KCNG1: variants seen among roughly 807,000 people sequenced by gnomAD.
KCNG1 encodes the protein voltage-gated potassium channel regulatory subunit KCNG1.
Under a neutral mutation model 32.4 loss-of-function variants are expected in KCNG1, and 17 were observed. That is an observed-to-expected ratio of 0.52 (90% CI 0.36 to 0.79). The LOEUF is 0.79. KCNG1 is among the 30% of genes least tolerant of loss of function. The pLI, the probability that KCNG1 is intolerant of heterozygous loss-of-function variation, is 0.00. For missense variants in KCNG1, 441 were observed against 735.2 expected (o/e 0.60, Z 4.63); for synonymous variants, 358 against 339.9 (o/e 1.05, Z -0.59).
chr20:51,011,199 T>C (rs1430179738), intron 1 of KCNG1, among the ~76,000 whole-genome samples: 1 of 152,196 alleles, frequency 6.6e-6, no homozygotes, highest in Non-Finnish European at 1.5e-5. Context: ...TTCACAATTC[T>C]CCCATATCCA....
At chr20:51,010,711 A>G (rs535559655) in intron 1 of KCNG1, among the ~76,000 whole-genome samples, 25 of 152,300 alleles carry the variant, frequency 1.6e-4, no homozygotes, top group Admixed American at 1.6e-3. Context: ...CCTGGCCAAC[A>G]TGGTGAAACC....
chr20:51,005,065 T>A lies in KCNG1; in HGVS notation c.775-259A>T. ...CCAGACCCCCAACAGGCTGCCTCCC[T>A]GACGCTCCCACCTGGGTGTCTGAGG... On this transcript the variant is annotated intron_variant, in intron 2 of 2. Coordinates refer to ENST00000371571, the MANE Select transcript of KCNG1 (RefSeq NM_002237.4). This position sits in a 1 kb window ranked among gnomAD's most constrained non-coding sequence, Gnocchi z 4.0. 2.6e-6 allele frequency: 1 copy of A among 381,910 alleles called. No individual in the cohort carries two copies. 23.7% of individuals were successfully genotyped at this position (381,910 alleles called of 1,614,324 possible).
chr20:51,009,390 TGC>T (rs1987965785), intron 2 of KCNG1, 173 bp downstream of exon 2: 2 of 781,716 alleles, frequency 2.6e-6, no homozygotes, highest in African/African-American at 3.5e-5. Flanking sequence ...ACCCCCATGA[TGC>T]TCACATATTA....
intron 1 of KCNG1, among the ~76,000 whole-genome samples, chr20:51,019,983 C>T (rs977991967): frequency 3.3e-5 from 5 of 152,216 alleles, no homozygotes; most frequent in Admixed American, 6.5e-5. Flanking sequence ...GTTCTCGCCA[C>T]AGTCCCACCA....
At position 51,009,688 on chromosome 20, in the gene KCNG1, C is replaced by T; in HGVS notation, c.651G>A (p.Val217=). 1 of 1,605,208 alleles carries T rather than the reference C, an allele frequency of 6.2e-7. No homozygotes were observed. The highest frequency in any genetic ancestry group is 2.2e-5 in the East Asian group (1 of 44,814). ...GRCMRRLRDM[V]ERPHSGLPGK... ...CAGGCAGCCCCGAGTGCGGCCTCTC[C>T]ACCATGTCGCGCAGTCGCCGCATGC... is the stretch of plus-strand genomic sequence containing the variant. The change falls in exon 2 of 3, where the codon GTG becomes GTA. Residue 217 remains valine (V), a synonymous_variant. Coordinates refer to ENST00000371571, the MANE Select transcript of KCNG1 (RefSeq NM_002237.4).
chr20:51,018,544 C>T (rs6096227), intron 1 of KCNG1, among the ~76,000 whole-genome samples: 6,482 of 152,232 alleles, frequency 0.043, 379 homozygotes, highest in African/African-American at 0.13. Context: ...GTCCCTCTTC[C>T]GAGTGGCAGC....
intron 1 of KCNG1, among the ~76,000 whole-genome samples, chr20:51,011,961 A>G (rs1988111256): frequency 6.6e-6 from 1 of 152,074 alleles, no homozygotes; most frequent in South Asian, 2.1e-4. Context: ...CACCTGGTTA[A>G]TTTTTGTATT....
chr20:51,021,572 C>A (rs1172254170), intron 1 of KCNG1, among the ~76,000 whole-genome samples: 1 of 152,138 alleles, frequency 6.6e-6, no homozygotes, highest in African/African-American at 2.4e-5. Context: ...GCAGGAACTT[C>A]CCCCACCCCA....
At chr20:51,022,049 T>A (rs968200867) in intron 1 of KCNG1, among the ~76,000 whole-genome samples, 5 of 152,096 alleles carry the variant, frequency 3.3e-5, no homozygotes, top group Admixed American at 3.3e-4. Flanking sequence ...GGGGCCTGGG[T>A]CTTAATCCTT....
At position 51,004,447 on chromosome 20, in the gene KCNG1, C is replaced by T. The variant is rs989760047; in HGVS notation, c.1134G>A (p.Gly378=). 1.2e-6 allele frequency: 2 copies of T among 1,607,528 alleles called. No individual in the cohort carries two copies. ...CCACGCAGAGGAAGAGCAGCAGGAG[C>T]CCGAACTCGCGGGTGCAGCGGCGGG... is the stretch of plus-strand genomic sequence containing the variant. ...LTARRCTREF[G]LLLLFLCVAI... The change falls in exon 3 of 3, where the codon GGG becomes GGA. Residue 378 remains glycine (G), a synonymous_variant. Coordinates refer to ENST00000371571, the MANE Select transcript of KCNG1 (RefSeq NM_002237.4). The surrounding 1 kb of genome is among the most constrained non-coding windows in gnomAD (Gnocchi z 4.3).
At chr20:51,016,584 C>T (rs1215321718) in intron 1 of KCNG1, among the ~76,000 whole-genome samples, 1 of 152,188 alleles carries the variant, frequency 6.6e-6, no homozygotes, top group Middle Eastern at 3.2e-3. Flanking sequence ...AGGCCAGTTG[C>T]TCTGTGACTT....
At chr20:51,011,023 C>T (rs1248885331) in intron 1 of KCNG1, among the ~76,000 whole-genome samples, 1 of 152,102 alleles carries the variant, frequency 6.6e-6, no homozygotes, top group African/African-American at 2.4e-5. Context: ...GAGAAGAGTG[C>T]TGCTGGCGCC....
intron 2 of KCNG1, 188 bp downstream of exon 2, chr20:51,009,377 T>G (rs1987965036): frequency 2.8e-6 from 2 of 717,894 alleles, no homozygotes; most frequent in South Asian, 3.8e-5. Flanking sequence ...GGCACAGGCG[T>G]GGACCCCCAT....
chr20:51,004,954 C>T lies in KCNG1; in HGVS notation c.775-148G>A, dbSNP rs1392591277. On this transcript the variant is annotated intron_variant, in intron 2 of 2. Coordinates refer to ENST00000371571, the MANE Select transcript of KCNG1 (RefSeq NM_002237.4). The surrounding 1 kb of genome is among the most constrained non-coding windows in gnomAD (Gnocchi z 4.3). ...CCCCGGGTCCTCTCCCTAGTTGTGC[C>T]CACTCCGAGGCCTGGGGCACTAAGC... The T allele has an allele frequency of 2.8e-6, 2 of 726,250 alleles. No individual in the cohort carries two copies. Among genetic ancestry groups the T allele is most frequent in the Non-Finnish European group, 4.3e-6 (2 of 462,640 alleles). The allele number at this position is 726,250 out of a possible 1,614,324, so 45.0% of individuals were successfully genotyped here.
intron 1 of KCNG1, among the ~76,000 whole-genome samples, chr20:51,017,410 G>C (rs1348075653): frequency 6.6e-6 from 1 of 152,222 alleles, no homozygotes; most frequent in African/African-American, 2.4e-5. Context: ...TTAACCACAT[G>C]GAGGGTGCCT....
chr20:51,013,556 A>AG (rs1267261550), intron 1 of KCNG1, among the ~76,000 whole-genome samples: 1 of 152,148 alleles, frequency 6.6e-6, no homozygotes, highest in African/African-American at 2.4e-5. Context: ...CACACTTAAA[A>AG]GGGGCTCCTT....
chr20:51,004,300 A>C lies in KCNG1; in HGVS notation c.1281T>G (p.Tyr427Ter), dbSNP rs766121713. ...GGGTGCTCCTGGGGACCATGTCGCC[A>C]TAGCCCACCGTCGTCATGGTGATGA... ...WAVITMTTVG[Y>*]GDMVPRSTPG... Residue 427 changes from tyrosine to a stop codon, truncating the protein, a stop_gained, in exon 3 of 3, where the codon TAT (tyrosine) becomes TAG (stop). Coordinates refer to ENST00000371571, the MANE Select transcript of KCNG1 (RefSeq NM_002237.4). LOFTEE classifies it high-confidence loss of function. The surrounding 1 kb of genome is among the most constrained non-coding windows in gnomAD (Gnocchi z 4.3). 6.2e-7 allele frequency: 1 copy of C among 1,613,370 alleles called. No homozygotes were observed.
chr20:51,018,262 C>T (rs578066837), intron 1 of KCNG1, among the ~76,000 whole-genome samples: 403 of 152,288 alleles, frequency 2.6e-3, no homozygotes, highest in Non-Finnish European at 4.7e-3. Flanking sequence ...CCCACTGAGC[C>T]GCTGGCCTCT....
intron 1 of KCNG1, among the ~76,000 whole-genome samples, chr20:51,021,495 T>C (rs1324230735): frequency 6.6e-6 from 1 of 152,198 alleles, no homozygotes; most frequent in Non-Finnish European, 1.5e-5. Context: ...TCATAGGGAC[T>C]CTGCCATCAT....
Sources: gnomAD v4.1 joint callset for allele counts (sites outside exome capture counted in the v4.1 genomes callset) on GRCh38, gnomAD v4.1.1 for gene constraint, Gnocchi (gnomAD v3.1) non-coding constraint, MANE v1.5 for transcripts, NCBI Gene and HGNC (gene_info 2026-07-23, HGNC 2026-07-21) for gene names.